Variants in FSTL4 observed in about 807,000 individuals in gnomAD.
FSTL4 encodes follistatin like 4.
A neutral mutation model predicts 78.2 loss-of-function variants in FSTL4; 28 were observed. The observed-to-expected ratio is 0.36, with a 90% CI of 0.27 to 0.49. The LOEUF (loss-of-function observed/expected upper bound fraction) is 0.49. Among genes scored for constraint, FSTL4 ranks in the 20% least tolerant of loss-of-function variants. The probability of loss-of-function intolerance (pLI) is 0.98; values close to 1 mark genes in which losing one functional copy is unlikely to be tolerated. For synonymous variants in FSTL4, 422 were observed against 440.5 expected, an observed-to-expected ratio of 0.96 and a Z score of 0.53; for missense variants, 922 against 1,084.9, an observed-to-expected ratio of 0.85 and a Z score of 2.11.
At chr5:133,243,728 G>A (rs1751951199) in intron 7 of FSTL4, 1 of 152,266 alleles carries the variant, frequency 6.6e-6, no homozygotes, top group Non-Finnish European at 1.5e-5. Context: ...AACCGGCACG[G>A]AGCCTGCACC....
intron 3 of FSTL4, among the ~76,000 whole-genome samples, chr5:133,495,086 C>T (rs942885245): frequency 4.6e-5 from 7 of 152,246 alleles, no homozygotes; most frequent in African/African-American, 1.2e-4. Context: ...GGAATCCATC[C>T]GGGGAAACGA....
At position 133,369,503 on chromosome 5, in the gene FSTL4, G is replaced by A. The variant is rs184416517; in HGVS notation, c.409+31235C>T. ...GCCAATCCCCTCTATTGCACAGAGG[G>A]AGAAACTGAAGCCACCTGGCAGGGG... On this transcript the variant is annotated intron_variant, in intron 4 of 15. Coordinates refer to ENST00000265342, the MANE Select transcript of FSTL4 (RefSeq NM_015082.2). 2.3e-4 allele frequency among the ~76,000 whole-genome samples: 35 copies of A among 152,272 alleles called. No homozygotes were observed. The South Asian group carries it at 6.0e-3, about 26-fold the overall frequency.
chr5:133,609,564 A>G (rs192720623), intron 1 of FSTL4, among the ~76,000 whole-genome samples: 350 of 152,348 alleles, frequency 2.3e-3, no homozygotes, highest in African/African-American at 7.9e-3. Flanking sequence ...TAAAACACCA[A>G]CCCAGGGAAA....
intron 6 of FSTL4, among the ~76,000 whole-genome samples, chr5:133,289,926 T>C (rs1018249644): frequency 4.0e-4 from 61 of 152,334 alleles, no homozygotes; most frequent in African/African-American, 1.5e-3. Context: ...AAAAAGAATC[T>C]TGTCTCAATT....
intron 3 of FSTL4, among the ~76,000 whole-genome samples, chr5:133,422,876 G>A (rs1756730351): frequency 6.6e-6 from 1 of 152,206 alleles, no homozygotes; most frequent in African/African-American, 2.4e-5. Context: ...CAAAACTCTT[G>A]CCACGTTTAT....
chr5:133,287,198 C>G (rs113217929), intron 6 of FSTL4, among the ~76,000 whole-genome samples: 157 of 152,098 alleles, frequency 1.0e-3, no homozygotes, highest in African/African-American at 3.5e-3. Context: ...ACCATCCTGG[C>G]TAACATGGTG....
At chr5:133,302,542 T>A (rs1753567398) in intron 6 of FSTL4, among the ~76,000 whole-genome samples, 1 of 152,176 alleles carries the variant, frequency 6.6e-6, no homozygotes, top group Non-Finnish European at 1.5e-5. Context: ...TAAGGACAGA[T>A]GCTCTGTTAT....
At chr5:133,328,848 T>C (rs993865468) in intron 4 of FSTL4, among the ~76,000 whole-genome samples, 1 of 152,202 alleles carries the variant, frequency 6.6e-6, no homozygotes, top group Admixed American at 6.5e-5. Context: ...CAAGACTTCC[T>C]TGGGAGGCTG....
chr5:133,777,873 CT>C, the FSTL4 span, among the ~76,000 whole-genome samples: 2 of 152,336 alleles, frequency 1.3e-5, no homozygotes, highest in South Asian at 4.1e-4. Flanking sequence ...ACATAGATGT[CT>C]ATTTGCACAT....
the FSTL4 span, among the ~76,000 whole-genome samples, chr5:133,770,787 G>A: frequency 1.6e-4 from 25 of 152,002 alleles, no homozygotes; most frequent in Middle Eastern, 3.4e-3. Context: ...GGACCTGGTC[G>A]TAAATTCTTT....
chr5:133,352,539 A>T (rs1428879447), intron 4 of FSTL4, among the ~76,000 whole-genome samples: 1 of 152,004 alleles, frequency 6.6e-6, no homozygotes, highest in Non-Finnish European at 1.5e-5. Context: ...CCCCCCAAGT[A>T]GCTGGTACTA....
chr5:133,413,362 C>T (rs1185366019), intron 3 of FSTL4, among the ~76,000 whole-genome samples: 2 of 151,914 alleles, frequency 1.3e-5, no homozygotes, highest in African/African-American at 2.4e-5. Context: ...TTTCTTTCAA[C>T]TTGATAAACC....
At chr5:133,565,065 G>A (rs918070122) in intron 3 of FSTL4, among the ~76,000 whole-genome samples, 5 of 152,202 alleles carry the variant, frequency 3.3e-5, no homozygotes, top group African/African-American at 1.2e-4. Flanking sequence ...CTCAGGTTCT[G>A]TGACTGGAAG....
At chr5:133,390,628 C>T (rs1296533065) in intron 4 of FSTL4, among the ~76,000 whole-genome samples, 5 of 152,216 alleles carry the variant, frequency 3.3e-5, no homozygotes, top group African/African-American at 4.8e-5. Context: ...CTCCACAGAC[C>T]TTACATTCAG....
chr5:133,562,576 C>A (rs564060882), intron 3 of FSTL4, among the ~76,000 whole-genome samples: 56 of 152,304 alleles, frequency 3.7e-4, no homozygotes, highest in Admixed American at 3.6e-3. Flanking sequence ...CTGAAGACAG[C>A]AGCAGCCCTC....
rs1025288044 is a variant in FSTL4 at position 133,338,573 on chromosome 5, C to T, written c.410-21921G>A. ...AGGCTGGTGCAGGGGAAGCTTGGAG[C>T]GGTGTCTACTCACTATCCAGCCCAG... On this transcript the variant is annotated intron_variant, in intron 4 of 15. Coordinates refer to ENST00000265342, the MANE Select transcript of FSTL4 (RefSeq NM_015082.2). The surrounding 1 kb of genome is among the most constrained non-coding windows in gnomAD (Gnocchi z 4.0). Among the ~76,000 whole-genome samples, 4 of 152,190 alleles carry T rather than the reference C, an allele frequency of 2.6e-5. No individual in the cohort carries two copies. The highest frequency in any genetic ancestry group is 2.1e-4 in the South Asian group (1 of 4,816).
the FSTL4 span, among the ~76,000 whole-genome samples, chr5:133,766,267 A>C: frequency 3.6e-3 from 548 of 152,258 alleles, 1 homozygote; most frequent in African/African-American, 0.013. Flanking sequence ...AAGAAGAAGA[A>C]AGAGGAAAAG....
At chr5:133,610,608 G>A (rs181405868) in intron 1 of FSTL4, among the ~76,000 whole-genome samples, 12 of 152,332 alleles carry the variant, frequency 7.9e-5, no homozygotes, top group Admixed American at 2.6e-4. Context: ...CTGCCTGAGA[G>A]TTGCTGTGGC....
chr5:133,546,323 C>T (rs561365911), intron 3 of FSTL4, among the ~76,000 whole-genome samples: 1,703 of 151,756 alleles, frequency 0.011, 32 homozygotes, highest in African/African-American at 0.038. Flanking sequence ...CCTGGCCACA[C>T]GGTGAAACCC....
Sources: gnomAD v4.1 joint callset for allele counts (sites outside exome capture counted in the v4.1 genomes callset) on GRCh38, gnomAD v4.1.1 for gene constraint, Gnocchi (gnomAD v3.1) non-coding constraint, MANE v1.5 for transcripts, NCBI Gene and HGNC (gene_info 2026-07-23, HGNC 2026-07-21) for gene names.